Variants in ZNF160 observed in about 807,000 individuals in gnomAD.
ZNF160 encodes zinc finger protein 160, also known as KRAB zinc finger protein KR18.
ZNF160 carries 9 observed loss-of-function variants against 13.1 expected under a neutral mutation model. That is an observed-to-expected ratio of 0.69 (90% CI 0.41 to 1.20). ZNF160 has a LOEUF of 1.20. Ranked by LOEUF, ZNF160 falls within the 50% of genes most tolerant of loss-of-function variation. The pLI, the probability that ZNF160 is intolerant of heterozygous loss-of-function variation, is 0.01. For synonymous variants in ZNF160, 293 were observed against 333.2 expected, an observed-to-expected ratio of 0.88 and a Z score of 1.31; for missense variants, 838 against 988.0, an observed-to-expected ratio of 0.85 and a Z score of 2.04.
chr19:53,090,253 C>T (rs1005610833), intron 2 of ZNF160, among the ~76,000 whole-genome samples: 1 of 152,108 alleles, frequency 6.6e-6, no homozygotes, highest in Non-Finnish European at 1.5e-5. Flanking sequence ...GAGCCTCCCC[C>T]TTTCTGCCCC....
intron 5 of ZNF160, among the ~76,000 whole-genome samples, chr19:53,071,768 G>A (rs10422454): frequency 1.3e-5 from 2 of 151,870 alleles, no homozygotes; most frequent in African/African-American, 2.4e-5. Flanking sequence ...ATTTTTCCAC[G>A]CTGACCTCAC....
At chr19:53,076,949 G>C (rs548590561) in intron 3 of ZNF160, 1 of 152,136 alleles carries the variant, frequency 6.6e-6, no homozygotes, top group Non-Finnish European at 1.5e-5. Flanking sequence ...ACAACACAAG[G>C]CTCATAACGT....
In ZNF160 at chr19:53,067,993, T is replaced by G; in HGVS notation, c.*84A>C. The G allele has an allele frequency of 6.6e-7, 1 of 1,513,954 alleles. No individual in the cohort carries two copies. 93.8% of individuals were successfully genotyped at this position (1,513,954 alleles called of 1,614,324 possible). A position where few individuals can be genotyped will look rare whatever the true frequency, so the allele number is the denominator to read the frequency against. Reference sequence around the variant, plus strand: ...CTTCAACTCATGAGGGATTGGCCACTGTCACTACATTTGTAAGGATTCTGT... The same window carrying G: ...CTTCAACTCATGAGGGATTGGCCACGGTCACTACATTTGTAAGGATTCTGT... On this transcript the variant is annotated 3_prime_UTR_variant, in exon 6 of 6. Coordinates refer to ENST00000683776, the MANE Select transcript of ZNF160 (RefSeq NM_001322131.2).
At chr19:53,078,458 T>C (rs932022540) in intron 3 of ZNF160, among the ~76,000 whole-genome samples, 1 of 150,880 alleles carries the variant, frequency 6.6e-6, no homozygotes, top group Non-Finnish European at 1.5e-5. Context: ...ATGATGAAGA[T>C]AGCCAGGCAT....
chr19:53,071,976 G>T (rs2084193815), intron 5 of ZNF160, among the ~76,000 whole-genome samples: 1 of 152,022 alleles, frequency 6.6e-6, no homozygotes, highest in Non-Finnish European at 1.5e-5. Context: ...CTAGGAAAAT[G>T]AACATTCAAT....
Position 53,069,994 on chromosome 19 carries a change from C to G in ZNF160, c.540G>C (p.Gln180His), listed in dbSNP as rs1203931393. The G allele has an allele frequency of 6.2e-7, 1 of 1,614,112 alleles. No individual in the cohort carries two copies. ...GATGAGAATGAAAGCTTACTCCAAG[C>G]TGATTGTTCATAAGCTTGTTTTCTA... is the stretch of plus-strand genomic sequence containing the variant. ...RDIENKLMNN[Q>H]LGVSFHSHLP... is the part of the protein sequence containing the mutation. Residue 180 changes from glutamine to histidine, a missense_variant, in exon 6 of 6, where the codon CAG (glutamine) becomes CAC (histidine). Around this residue, in one of 3 missense-constraint regions of ZNF160, gnomAD observed 387 missense variants for 402.3 expected, o/e 0.96. Transcript: ENST00000683776. This position sits in a 1 kb window ranked among gnomAD's most constrained non-coding sequence, Gnocchi z 4.4.
Position 53,068,944 on chromosome 19 carries a change from GA to G in ZNF160, c.1589del (p.Ile530ThrfsTer79), listed in dbSNP as rs1339791343. On this transcript the variant is annotated frameshift_variant, in exon 6 of 6. Transcript: ENST00000683776. LOFTEE classifies it low-confidence loss of function (END_TRUNC). ...VRSSLTTHQAIHSGEKPYKCI... is the reference protein window; with the variant it reads ...VRSSLTTHQAXHSGEKPYKCI... The stretch of plus-strand genomic sequence containing the variant: ...ATTTGTAAGGTTTCTCTCCAGAATG[GA>G]TTGCCTGATGGGTAGTCAGACTTGA... 1 of 1,612,784 alleles carries G rather than the reference GA, an allele frequency of 6.2e-7. No individual in the cohort carries two copies. Among genetic ancestry groups the G allele is most frequent in the African/African-American group, 1.3e-5 (1 of 74,518 alleles).
chr19:53,070,503 C>T (rs183662293), intron 5 of ZNF160, among the ~76,000 whole-genome samples: 129 of 152,084 alleles, frequency 8.5e-4, no homozygotes, highest in Admixed American at 1.5e-3. Context: ...CTCTGCCTCC[C>T]GGGTTCACAC....
At chr19:53,102,537 A>T (rs1160922470) in intron 1 of ZNF160, among the ~76,000 whole-genome samples, 2 of 152,098 alleles carry the variant, frequency 1.3e-5, no homozygotes, top group African/African-American at 4.8e-5. Context: ...ACATTTCGCC[A>T]ATTGCTTTTC....
At chr19:53,075,249 A>T in intron 3 of ZNF160, 66 bp from the exon 4 acceptor site, 2 of 1,584,620 alleles carry the variant, frequency 1.3e-6, no homozygotes, top group South Asian at 1.1e-5. Context: ...ATAAAAGGAG[A>T]AGAGGAGAAA....
At chr19:53,081,874 A>G (rs1421424081) in intron 3 of ZNF160, among the ~76,000 whole-genome samples, 2 of 152,200 alleles carry the variant, frequency 1.3e-5, no homozygotes, top group African/African-American at 4.8e-5. Context: ...AACCTTGGTG[A>G]CCATCAAGTG....
At chr19:53,083,079 C>G (rs549831893) in intron 3 of ZNF160, among the ~76,000 whole-genome samples, 1 of 152,290 alleles carries the variant, frequency 6.6e-6, no homozygotes, top group Non-Finnish European at 1.5e-5. Flanking sequence ...TCCATGCCCT[C>G]CCTGAGTATG....
At chr19:53,090,409 A>G (rs1297009284) in intron 2 of ZNF160, among the ~76,000 whole-genome samples, 1 of 152,088 alleles carries the variant, frequency 6.6e-6, no homozygotes, top group Non-Finnish European at 1.5e-5. Flanking sequence ...CTGCGTTGCC[A>G]TCTGTTCATG....
Position 53,086,288 on chromosome 19 carries a change from T to C in ZNF160, c.-12A>G, listed in dbSNP as rs2084827814. On this transcript the variant is annotated 5_prime_UTR_variant, in exon 3 of 6. Transcript: ENST00000683776. ...TGAGTAAGGGCCATCCCTGACTCCTTTTCTTTCCTCTTCCTCTTCTTCCAG... is the reference window on the plus strand; with the variant it reads ...TGAGTAAGGGCCATCCCTGACTCCTCTTCTTTCCTCTTCCTCTTCTTCCAG... 1.9e-6 allele frequency: 3 copies of C among 1,586,946 alleles called. No homozygotes were observed. The highest frequency in any genetic ancestry group is 1.7e-6 in the Non-Finnish European group (2 of 1,168,364).
chr19:53,071,013 T>C (rs2084152575), intron 5 of ZNF160, among the ~76,000 whole-genome samples: 1 of 151,658 alleles, frequency 6.6e-6, no homozygotes. Context: ...TTGGCCAACA[T>C]GGTGAAACCC....
Position 53,068,592 on chromosome 19 carries a change from G to T in ZNF160, c.1942C>A (p.Pro648Thr). 2 of 1,614,094 alleles carry T rather than the reference G, an allele frequency of 1.2e-6. No homozygotes were observed. The highest frequency in any genetic ancestry group is 1.7e-6 in the Non-Finnish European group (2 of 1,180,030). ...THRRIHTGEK[P>T]YKCNECGKAF... ...TTCCCACACTCATTACACTTGTAAG[G>T]TTTCTCTCCAGTATGAATTCGCCGA... is the stretch of plus-strand genomic sequence containing the variant. Residue 648 changes from proline to threonine, a missense_variant, in exon 6 of 6, where the codon CCT becomes ACT. Physicochemically the swap from Pro to Thr is conservative, Grantham distance 38. Coordinates refer to ENST00000683776, the MANE Select transcript of ZNF160 (RefSeq NM_001322131.2).
intron 1 of ZNF160, among the ~76,000 whole-genome samples, chr19:53,100,857 C>A (rs924619564): frequency 6.6e-6 from 1 of 151,832 alleles, no homozygotes; most frequent in African/African-American, 2.4e-5. Context: ...GTGGCAGGTG[C>A]CTGTAATCCC....
chr19:53,082,164 T>C (rs1345889148), intron 3 of ZNF160, among the ~76,000 whole-genome samples: 1 of 152,192 alleles, frequency 6.6e-6, no homozygotes, highest in Non-Finnish European at 1.5e-5. Flanking sequence ...TCGGGTACTA[T>C]GTTCACTACT....
intron 3 of ZNF160, chr19:53,075,598 G>A (rs2084357776): frequency 2.7e-6 from 1 of 367,724 alleles, no homozygotes; most frequent in Non-Finnish European, 5.4e-6. Flanking sequence ...CCTCCATAAT[G>A]GGGCCTCCAT....
Sources: allele counts gnomAD v4.1 joint callset (sites outside exome capture counted in the v4.1 genomes callset), GRCh38; gene constraint gnomAD v4.1.1; regional missense constraint gnomAD v4.1.1; non-coding constraint Gnocchi (gnomAD v3.1); transcripts MANE v1.5; gene names NCBI Gene and HGNC (gene_info 2026-07-23, HGNC 2026-07-21).